The following NFYC variants were observed in gnomAD, a reference collection of about 807,000 sequenced individuals.
NFYC encodes nuclear transcription factor Y subunit gamma, also known as CAAT box DNA-binding protein subunit C.
Under a neutral mutation model 53.1 loss-of-function variants are expected in NFYC, and 25 were observed. That is an observed-to-expected ratio of 0.47 (90% CI 0.34 to 0.66). The LOEUF is 0.66. Among genes scored for constraint, NFYC ranks in the 30% least tolerant of loss-of-function variants. The probability of loss-of-function intolerance (pLI) is 0.01; values close to 1 mark genes in which losing one functional copy is unlikely to be tolerated. For missense variants in NFYC, 260 were observed against 422.7 expected (o/e 0.62, Z 3.38); for synonymous variants, 145 against 152.6 (o/e 0.95, Z 0.37).
chr1:40,696,039 T>TTTG (rs386366772), intron 1 of NFYC, among the ~76,000 whole-genome samples: 14 of 150,758 alleles, frequency 9.3e-5, no homozygotes, highest in South Asian at 2.1e-4. Context: ...TTTTTTTTTT[T>TTTG]TGAGATAGAG....
chr1:40,753,329 A>G lies in NFYC; in HGVS notation c.387+83A>G, dbSNP rs1646021222. The G allele has an allele frequency of 4.5e-6, 4 of 897,100 alleles. No individual in the cohort carries two copies. The Middle Eastern group carries it at 6.7e-4, about 150-fold the overall frequency. The allele number at this position is 897,100 out of a possible 1,614,324, so 55.6% of individuals were successfully genotyped here. A position where few individuals can be genotyped will look rare whatever the true frequency, so the allele number is the denominator to read the frequency against. ...TCAGATACGCTCCTTCTCTCTCAGC[A>G]CAAGTCATTTGCTATTCCTTTTGCT... On this transcript the variant is annotated intron_variant, in intron 5 of 9. Transcript: ENST00000447388.
At chr1:40,714,962 C>A (rs1397615511) in intron 1 of NFYC, among the ~76,000 whole-genome samples, 1 of 152,018 alleles carries the variant, frequency 6.6e-6, no homozygotes, top group African/African-American at 2.4e-5. Flanking sequence ...CGCCTGTAGT[C>A]CCAGCTACTC....
At chr1:40,698,050 G>T (rs1009575538) in intron 1 of NFYC, among the ~76,000 whole-genome samples, 1 of 152,118 alleles carries the variant, frequency 6.6e-6, no homozygotes, top group African/African-American at 2.4e-5. Flanking sequence ...AGTAGAATAC[G>T]TTTAAAATAA....
At chr1:40,722,133 T>A (rs564242989) in intron 1 of NFYC, among the ~76,000 whole-genome samples, 2 of 152,214 alleles carry the variant, frequency 1.3e-5, no homozygotes, top group East Asian at 3.9e-4. Flanking sequence ...ATCATGCTAC[T>A]GCATTCCAGC....
chr1:40,759,546 CAAA>C (rs947535061), intron 6 of NFYC, among the ~76,000 whole-genome samples: 3 of 126,548 alleles, frequency 2.4e-5, no homozygotes, highest in East Asian at 2.4e-4. Flanking sequence ...AAAAAAAAAA[CAAA>C]AAAAAGTATA....
At chr1:40,696,409 A>C (rs766736433) in intron 1 of NFYC, among the ~76,000 whole-genome samples, 4 of 150,706 alleles carry the variant, frequency 2.7e-5, no homozygotes, top group Non-Finnish European at 5.9e-5. Context: ...TGGGAAAAGA[A>C]AAAAAGTCCT....
intron 5 of NFYC, among the ~76,000 whole-genome samples, chr1:40,754,936 G>A (rs1434313984): frequency 6.6e-6 from 1 of 152,160 alleles, no homozygotes; most frequent in African/African-American, 2.4e-5. Context: ...AGGTGTTCGA[G>A]GCATTGATTG....
intron 1 of NFYC, among the ~76,000 whole-genome samples, chr1:40,728,149 G>A (rs1644605826): frequency 1.3e-5 from 2 of 151,540 alleles, no homozygotes; most frequent in Non-Finnish European, 2.9e-5. Context: ...CCTGACCTCA[G>A]GTGATCCTTC....
At chr1:40,717,806 C>G (rs1316875138) in intron 1 of NFYC, among the ~76,000 whole-genome samples, 1 of 152,190 alleles carries the variant, frequency 6.6e-6, no homozygotes, top group Non-Finnish European at 1.5e-5. Context: ...CTGCATGAAG[C>G]TGACCAAAAA....
At chr1:40,711,083 C>A (rs1189429532) in intron 1 of NFYC, among the ~76,000 whole-genome samples, 1 of 152,162 alleles carries the variant, frequency 6.6e-6, no homozygotes, top group Non-Finnish European at 1.5e-5. Context: ...ATTCTAAATT[C>A]TTTTGGTATG....
chr1:40,758,233 C>A lies in NFYC; in HGVS notation c.500C>A (p.Thr167Asn). 6.2e-7 allele frequency: 1 copy of A among 1,613,494 alleles called. No homozygotes were observed. The highest frequency in any genetic ancestry group is 8.5e-7 in the Non-Finnish European group (1 of 1,180,026). Reference sequence around the variant, plus strand: ...GGCCAGCAGCAAGGCCAGCAGACCACCAGCTCCACGACCACCATCCAGCCT... The same window carrying A: ...GGCCAGCAGCAAGGCCAGCAGACCAACAGCTCCACGACCACCATCCAGCCT... ...VQGQQQGQQT[T>N]SSTTTIQPGQ... is the part of the protein sequence containing the mutation. The change falls in exon 6 of 10, where the codon ACC becomes AAC. Residue 167 changes from threonine to asparagine, a missense_variant. Physicochemically the swap from Thr to Asn is moderately conservative, Grantham distance 65. Coordinates refer to ENST00000447388, the MANE Select transcript of NFYC (RefSeq NM_014223.5).
At chr1:40,740,452 C>G (rs945207255) in intron 2 of NFYC, among the ~76,000 whole-genome samples, 21 of 152,136 alleles carry the variant, frequency 1.4e-4, no homozygotes, top group Non-Finnish European at 2.4e-4. Flanking sequence ...CCACTGACTT[C>G]AGGGATAAAA....
rs6698646 is a variant in NFYC at position 40,719,929 on chromosome 1, T to C, written c.-8-18907T>C. Among the ~76,000 whole-genome samples the C allele has an allele frequency of 8.8e-3, 1,336 of 152,354 alleles. 16 individuals carry two copies. Among genetic ancestry groups the C allele is most frequent in the African/African-American group, 0.031 (1,283 of 41,582 alleles). On this transcript the variant is annotated intron_variant, in intron 1 of 9. Coordinates refer to ENST00000447388, the MANE Select transcript of NFYC (RefSeq NM_014223.5). Reference sequence around the variant, plus strand: ...TCTGTCAGATGTGTTGCTTATCTTATGTGTTTATGGTGAGAAACACATAAA... The same window carrying C: ...TCTGTCAGATGTGTTGCTTATCTTACGTGTTTATGGTGAGAAACACATAAA...
chr1:40,698,100 C>T (rs965420857), intron 1 of NFYC, among the ~76,000 whole-genome samples: 6 of 152,140 alleles, frequency 3.9e-5, no homozygotes, highest in Non-Finnish European at 5.9e-5. Flanking sequence ...CAGTGGCTCA[C>T]GCCTGTAATC....
intron 1 of NFYC, among the ~76,000 whole-genome samples, chr1:40,737,124 T>C (rs1242863312): frequency 2.5e-5 from 2 of 79,950 alleles, no homozygotes; most frequent in African/African-American, 9.2e-5. Context: ...CGAAACTCTG[T>C]CTCAAAAAAA....
At chr1:40,719,109 T>A (rs887132930) in intron 1 of NFYC, among the ~76,000 whole-genome samples, 3 of 152,234 alleles carry the variant, frequency 2.0e-5, no homozygotes, top group Non-Finnish European at 2.9e-5. Flanking sequence ...GACCTCGTGA[T>A]CTGCCCGCCT....
chr1:40,763,038 C>A lies in NFYC; in HGVS notation c.712C>A (p.Gln238Lys). The change falls in exon 7 of 10, where the codon CAG becomes AAG. Residue 238 changes from glutamine (Q) to lysine (K), a missense_variant. Coordinates refer to ENST00000447388, the MANE Select transcript of NFYC (RefSeq NM_014223.5). ...QIITNTGEIQQIPVQLNAGQL... is the reference protein window; with the variant it reads ...QIITNTGEIQKIPVQLNAGQL... ...CATCACTAACACAGGAGAGATCCAG[C>A]AGATCCCGGTGAGTCCTGCCCTGAG... 6.3e-7 allele frequency: 1 copy of A among 1,597,108 alleles called. No individual in the cohort carries two copies.
chr1:40,722,889 G>A (rs1278262516), intron 1 of NFYC, among the ~76,000 whole-genome samples: 3 of 152,124 alleles, frequency 2.0e-5, no homozygotes, highest in African/African-American at 7.2e-5. Context: ...AAAGGGGAAG[G>A]ATAAAACAGA....
chr1:40,769,429 C>G lies in NFYC; in HGVS notation c.888+14C>G. On this transcript the variant is annotated intron_variant, in intron 9 of 9. Transcript: ENST00000447388. ...ACAGATGGACAGGTAGGGTACCCAA[C>G]CTGGGCTGGGCAGAGGGTGAGGATT... 1 of 1,613,790 alleles carries G rather than the reference C, an allele frequency of 6.2e-7. No homozygotes were observed.
Sources: gnomAD v4.1 joint callset for allele counts (sites outside exome capture counted in the v4.1 genomes callset) on GRCh38, gnomAD v4.1.1 for gene constraint, MANE v1.5 for transcripts, NCBI Gene and HGNC (gene_info 2026-07-23, HGNC 2026-07-21) for gene names.